The following GNAO1 variants were observed in gnomAD, a reference collection of about 807,000 sequenced individuals.
The protein encoded by GNAO1 is G protein subunit alpha o1.
For synonymous variants in GNAO1, 164 were observed against 180.7 expected, an observed-to-expected ratio of 0.91 and a Z score of 0.74; for missense variants, 166 against 478.7, an observed-to-expected ratio of 0.35 and a Z score of 6.10.
intron 2 of GNAO1, among the ~76,000 whole-genome samples, chr16:56,264,774 CTAAT>C (rs1453080966): frequency 1.4e-5 from 2 of 147,912 alleles, no homozygotes; most frequent in African/African-American, 4.9e-5. Context: ...AGTATTATTA[CTAAT>C]TAATATATTT....
chr16:56,322,897 G>A (rs950464633), intron 3 of GNAO1, among the ~76,000 whole-genome samples: 2 of 152,204 alleles, frequency 1.3e-5, no homozygotes, highest in African/African-American at 4.8e-5. Flanking sequence ...CATACATCCT[G>A]CAGACGTGGC....
At chr16:56,341,051 C>A in intron 6 of GNAO1, 2 of 1,373,684 alleles carry the variant, frequency 1.5e-6, no homozygotes, top group East Asian at 2.3e-5. Flanking sequence ...AAGCCCAGTC[C>A]ACCCTTCCTG....
intron 2 of GNAO1, among the ~76,000 whole-genome samples, chr16:56,253,888 C>CA (rs1218317370): frequency 2.0e-5 from 3 of 151,668 alleles, no homozygotes; most frequent in African/African-American, 4.8e-5. Flanking sequence ...AAAAAACAAA[C>CA]AAAAAAAAGT....
chr16:56,280,867 A>ATAT (rs1481797408), intron 3 of GNAO1, among the ~76,000 whole-genome samples: 2 of 152,200 alleles, frequency 1.3e-5, no homozygotes, highest in African/African-American at 4.8e-5. Context: ...AGGTCCGCAC[A>ATAT]TATCAGATGG....
chr16:56,290,069 A>C (rs1259335938), intron 3 of GNAO1, among the ~76,000 whole-genome samples: 1 of 151,930 alleles, frequency 6.6e-6, no homozygotes, highest in Admixed American at 6.6e-5. Context: ...TCTGCTGCTG[A>C]CTCTTTAAAT....
chr16:56,325,627 C>T (rs1293056155), intron 3 of GNAO1, among the ~76,000 whole-genome samples: 2 of 152,134 alleles, frequency 1.3e-5, no homozygotes, highest in African/African-American at 4.8e-5. Context: ...CTCGTGCGGT[C>T]TGAAACCAGG....
chr16:56,314,824 C>A (rs928684948), intron 3 of GNAO1, among the ~76,000 whole-genome samples: 2 of 152,130 alleles, frequency 1.3e-5, no homozygotes, highest in Non-Finnish European at 2.9e-5. Flanking sequence ...AGAGACCCCT[C>A]GGGGTCCACT....
intron 3 of GNAO1, among the ~76,000 whole-genome samples, chr16:56,280,223 G>A (rs1025735333): frequency 1.3e-5 from 2 of 152,382 alleles, no homozygotes; most frequent in African/African-American, 4.8e-5. Context: ...GGCAGGAAGA[G>A]CTGCTTAGTG....
intron 2 of GNAO1, among the ~76,000 whole-genome samples, chr16:56,199,374 G>A (rs2036261798): frequency 1.3e-5 from 2 of 152,194 alleles, no homozygotes; most frequent in Non-Finnish European, 2.9e-5. Context: ...GTAAGAAACA[G>A]GATGTTTCTG....
At chr16:56,206,245 G>T (rs763614894) in intron 2 of GNAO1, among the ~76,000 whole-genome samples, 1 of 151,430 alleles carries the variant, frequency 6.6e-6, no homozygotes, top group Non-Finnish European at 1.5e-5. Flanking sequence ...ACTTGAACCC[G>T]GTAGGCAGAG....
chr16:56,256,714 CTCTCTG>C (rs1270952385), intron 2 of GNAO1, among the ~76,000 whole-genome samples: 13 of 123,482 alleles, frequency 1.1e-4, no homozygotes, highest in African/African-American at 2.8e-4. Flanking sequence ...CTCTCTCTCT[CTCTCTG>C]TGTGTGTGTG....
intron 3 of GNAO1, among the ~76,000 whole-genome samples, chr16:56,292,485 C>T (rs2037241759): frequency 6.6e-6 from 1 of 152,142 alleles, no homozygotes; most frequent in Non-Finnish European, 1.5e-5. Flanking sequence ...CCTCAGTCTC[C>T]TAAGTAGCTG....
At chr16:56,258,900 G>C (rs888618152) in intron 2 of GNAO1, among the ~76,000 whole-genome samples, 2 of 152,232 alleles carry the variant, frequency 1.3e-5, no homozygotes, top group Non-Finnish European at 2.9e-5. Context: ...CTGACCTCAA[G>C]AGCCCCATTG....
At chr16:56,282,418 CT>C (rs2037123550) in intron 3 of GNAO1, among the ~76,000 whole-genome samples, 1 of 152,204 alleles carries the variant, frequency 6.6e-6, no homozygotes, top group Non-Finnish European at 1.5e-5. Flanking sequence ...ATGAATTCTA[CT>C]CACAGCAATC....
chr16:56,319,773 TG>T (rs1596862555), intron 3 of GNAO1, among the ~76,000 whole-genome samples: 3 of 152,106 alleles, frequency 2.0e-5, no homozygotes, highest in African/African-American at 2.4e-5. Flanking sequence ...AACCCACTTC[TG>T]GGGGGTACCT....
chr16:56,309,284 G>T (rs534519042), intron 3 of GNAO1, among the ~76,000 whole-genome samples: 1 of 152,296 alleles, frequency 6.6e-6, no homozygotes, highest in East Asian at 1.9e-4. Flanking sequence ...AACTGTGTCC[G>T]GGATATTTGA....
chr16:56,345,224 G>A, intron 6 of GNAO1: 1 of 985,576 alleles, frequency 1.0e-6, no homozygotes, highest in Non-Finnish European at 1.2e-6. Flanking sequence ...GCCTCCAGGT[G>A]GCTGAGGCCA....
At chr16:56,235,980 G>A (rs9302680) in intron 2 of GNAO1, among the ~76,000 whole-genome samples, 68,504 of 151,968 alleles carry the variant, frequency 0.45, 15,589 homozygotes, top group East Asian at 0.59. Flanking sequence ...AGGCTCTCCC[G>A]TTTTCACTGA....
chr16:56,334,707 C>A lies in GNAO1; in HGVS notation c.465-22C>A, dbSNP rs749436723. On this transcript the variant is annotated intron_variant, in intron 4 of 8. Transcript: ENST00000262493. ...GTGTCCAGGCATTTGGTCCATAGTCCCCTGTTTGTTGCCATCCTCAGCTAC... is the reference window on the plus strand; with the variant it reads ...GTGTCCAGGCATTTGGTCCATAGTCACCTGTTTGTTGCCATCCTCAGCTAC... 23 of 1,613,428 alleles carry A rather than the reference C, an allele frequency of 1.4e-5. No homozygotes were observed. In the South Asian group the frequency reaches 2.5e-4, roughly 18 times the overall value.
Sources: allele counts gnomAD v4.1 joint callset (sites outside exome capture counted in the v4.1 genomes callset), GRCh38; gene constraint gnomAD v4.1.1; transcripts MANE v1.5; gene names NCBI Gene and HGNC (gene_info 2026-07-23, HGNC 2026-07-21).